The following TNFSF10 variants were observed in gnomAD, a reference collection of about 807,000 sequenced individuals.
TNFSF10 encodes the protein TNF superfamily member 10.
TNFSF10 carries 13 observed loss-of-function variants against 29.5 expected under a neutral mutation model. The ratio of observed to expected loss-of-function variants is 0.44; its 90% CI spans 0.29 to 0.70. The LOEUF is 0.70. Ranked by LOEUF, TNFSF10 falls within the 30% of genes least tolerant of loss-of-function variation. TNFSF10 has a pLI of 0.13. For synonymous variants in TNFSF10, 111 were observed against 112.8 expected (o/e 0.98, Z 0.10); for missense variants, 345 against 330.9 (o/e 1.04, Z -0.33).
chr3:172,509,974 G>A (rs1279054278), intron 3 of TNFSF10, among the ~76,000 whole-genome samples: 17 of 86,690 alleles, frequency 2.0e-4, no homozygotes, highest in East Asian at 7.5e-4. Context: ...GCAAGACTCC[G>A]TCAAAAAAAA....
chr3:172,506,886 A>G lies in TNFSF10; in HGVS notation c.452T>C (p.Ile151Thr). 1.2e-6 allele frequency: 2 copies of G among 1,613,272 alleles called. No homozygotes were observed. Among genetic ancestry groups the G allele is most frequent in the Non-Finnish European group, 1.7e-6 (2 of 1,179,724 alleles). Residue 151 changes from isoleucine (I) to threonine (T), a missense_variant, in exon 5 of 5, where the codon ATA becomes ACA. Ile to Thr is a moderately conservative substitution (Grantham distance 89, BLOSUM62 -1). Coordinates refer to ENST00000241261, the MANE Select transcript of TNFSF10 (RefSeq NM_003810.4). ...ACTCCTTGATGATTCCCAGGAGTTTATTTTGCGGCCCAGAGCCTTTTCATT... is the reference window on the plus strand; with the variant it reads ...ACTCCTTGATGATTCCCAGGAGTTTGTTTTGCGGCCCAGAGCCTTTTCATT... ...SKNEKALGRK[I>T]NSWESSRSGH...
Position 172,505,640 on chromosome 3 carries a change from A to G in TNFSF10, c.*852T>C, listed in dbSNP as rs1363907894. 1 of 152,170 alleles carries G rather than the reference A, an allele frequency of 6.6e-6. No individual in the cohort carries two copies. The highest frequency in any genetic ancestry group is 1.5e-5 in the Non-Finnish European group (1 of 68,042). 9.4% of individuals were successfully genotyped at this position (152,170 alleles called of 1,614,324 possible). A position where few individuals can be genotyped will look rare whatever the true frequency, so the allele number is the denominator to read the frequency against. On this transcript the variant is annotated 3_prime_UTR_variant, in exon 5 of 5. Coordinates refer to ENST00000241261, the MANE Select transcript of TNFSF10 (RefSeq NM_003810.4). ...TATGAAACAAGTGAGTACTAAAACA[A>G]AAACAACAATAAATATGAGCACTAC...
chr3:172,522,871 T>C (rs1325273827), intron 1 of TNFSF10, among the ~76,000 whole-genome samples: 2 of 152,212 alleles, frequency 1.3e-5, no homozygotes, highest in African/African-American at 4.8e-5. Flanking sequence ...TCTTTTTCAA[T>C]TGAATGTGCA....
chr3:172,514,757 A>G (rs1713360797), intron 2 of TNFSF10, 104 bp downstream of exon 2: 2 of 1,428,820 alleles, frequency 1.4e-6, no homozygotes, highest in Non-Finnish European at 1.9e-6. Flanking sequence ...TCTTATTTGT[A>G]AAATGAAGAG....
At chr3:172,508,429 TA>T (rs1215076507) in intron 4 of TNFSF10, among the ~76,000 whole-genome samples, 1 of 152,208 alleles carries the variant, frequency 6.6e-6, no homozygotes, top group African/African-American at 2.4e-5. Context: ...TTTGTGTAAG[TA>T]AAATATGGTC....
At chr3:172,507,223 C>T in intron 4 of TNFSF10, 1 of 319,590 alleles carries the variant, frequency 3.1e-6, no homozygotes, top group South Asian at 6.3e-5. Flanking sequence ...ATGGCCCACT[C>T]AGATAGCAAT....
At chr3:172,514,435 C>T (rs7643953) in intron 2 of TNFSF10, among the ~76,000 whole-genome samples, 119,462 of 152,158 alleles carry the variant, frequency 0.79, 47,498 homozygotes, top group African/African-American at 0.9. Flanking sequence ...CATACAAAAA[C>T]AAATATTTAA....
In TNFSF10 at chr3:172,509,218, T is replaced by G. The variant is rs755034532; in HGVS notation, c.417A>C (p.Pro139=). ...TCACTTATTTGTTGTTTCTCTTACT[T>G]GGAGAAGACAATGTGTTGCTTCTTC... The part of the protein sequence containing the change: ...TRGRSNTLSS[P]NSKNEKALGR... The change falls in exon 4 of 5, where the codon CCA becomes CCC. Residue 139 remains proline (P), a splice_region_variant and synonymous_variant. Coordinates refer to ENST00000241261, the MANE Select transcript of TNFSF10 (RefSeq NM_003810.4). 6.8e-6 allele frequency: 11 copies of G among 1,611,814 alleles called. No homozygotes were observed. Among genetic ancestry groups the G allele is most frequent in the Non-Finnish European group, 9.3e-6 (11 of 1,178,640 alleles).
intron 1 of TNFSF10, among the ~76,000 whole-genome samples, chr3:172,520,289 A>G (rs1197095132): frequency 6.6e-6 from 1 of 152,224 alleles, no homozygotes; most frequent in Admixed American, 6.5e-5. Context: ...TGGACCATCC[A>G]CAGGCAGAGA....
At position 172,514,949 on chromosome 3, in the gene TNFSF10, T is replaced by A; in HGVS notation, c.182A>T (p.Asp61Val). ...KSGIACFLKE[D>V]DSYWDPNDEE... ...GTCATTGGGGTCCCAATAACTGTCATCTTCTTTTAAGAAACAAGCAATGCC... is the reference window on the plus strand; with the variant it reads ...GTCATTGGGGTCCCAATAACTGTCAACTTCTTTTAAGAAACAAGCAATGCC... Residue 61 changes from aspartate to valine, a missense_variant, in exon 2 of 5, where the codon GAT (aspartate) becomes GTT (valine). Physicochemically the swap from Asp to Val is radical, Grantham distance 152 (BLOSUM62 -3). Transcript: ENST00000241261. 6.2e-7 allele frequency: 1 copy of A among 1,614,172 alleles called. No homozygotes were observed. The highest frequency in any genetic ancestry group is 8.5e-7 in the Non-Finnish European group (1 of 1,180,012).
rs1713007146 is a variant in TNFSF10 at position 172,506,843 on chromosome 3, G to T, written c.495C>A (p.Ser165Arg). ...ESSRSGHSFL[S>R]NLHLRNGELV... ...GTTCACCATTCCTCAAGTGCAAGTT[G>T]CTCAGGAATGAATGCCCACTCCTTG... Residue 165 changes from serine to arginine, a missense_variant, in exon 5 of 5, where the codon AGC becomes AGA. Physicochemically the swap from Ser to Arg is moderately radical, Grantham distance 110 (BLOSUM62 -1). Transcript: ENST00000241261. 1 of 1,614,146 alleles carries T rather than the reference G, an allele frequency of 6.2e-7. No individual in the cohort carries two copies. The highest frequency in any genetic ancestry group is 2.2e-5 in the East Asian group (1 of 44,872).
intron 1 of TNFSF10, among the ~76,000 whole-genome samples, chr3:172,519,542 G>T (rs1366456077): frequency 6.6e-6 from 1 of 152,162 alleles, no homozygotes; most frequent in African/African-American, 2.4e-5. Context: ...CCAGTCTCTC[G>T]TGTAGACTTA....
In TNFSF10 at chr3:172,513,356, C is replaced by G. The variant is rs535977041; in HGVS notation, c.270+1505G>C. ...TTTCATTTCTCAGCTTCCTCAGGAC[C>G]TTTCTCCAGCCCAGGCTTTTCCTAG... On this transcript the variant is annotated intron_variant, in intron 2 of 4. Transcript: ENST00000241261. 1.9e-4 allele frequency among the ~76,000 whole-genome samples: 29 copies of G among 152,342 alleles called. No individual in the cohort carries two copies. In the South Asian group the frequency reaches 3.5e-3, roughly 19 times the overall value.
chr3:172,514,588 T>A (rs966253036), intron 2 of TNFSF10, among the ~76,000 whole-genome samples: 3 of 152,196 alleles, frequency 2.0e-5, no homozygotes, highest in Non-Finnish European at 2.9e-5. Flanking sequence ...GTTTCCATAA[T>A]GTGAGATCAA....
intron 1 of TNFSF10, among the ~76,000 whole-genome samples, chr3:172,516,714 G>A (rs1443201763): frequency 6.6e-6 from 1 of 152,188 alleles, no homozygotes; most frequent in African/African-American, 2.4e-5. Context: ...CATGGACTTA[G>A]GTACATTTCC....
rs1433564688 is a variant in TNFSF10 at position 172,514,999 on chromosome 3, C to G, written c.133-1G>C. 1 of 1,614,044 alleles carries G rather than the reference C, an allele frequency of 6.2e-7. No individual in the cohort carries two copies. The highest frequency in any genetic ancestry group is 8.5e-7 in the Non-Finnish European group (1 of 1,180,004). On this transcript the variant is annotated splice_acceptor_variant, in intron 1 of 4. Transcript: ENST00000241261. LOFTEE classifies it high-confidence loss of function. ...CACTTTTGGAGTACTTGTCCTGCAT[C>G]TGGGTTGAGATGGAATATAACACAA...
At chr3:172,511,738 C>A in intron 2 of TNFSF10, 79 bp from the exon 3 acceptor site, 1 of 1,267,736 alleles carries the variant, frequency 7.9e-7, no homozygotes, top group South Asian at 1.3e-5. Context: ...GCTCATCTTG[C>A]TGATGTCTAA....
At chr3:172,514,671 C>A (rs1713358135) in intron 2 of TNFSF10, among the ~76,000 whole-genome samples, 190 bp downstream of exon 2, 1 of 152,186 alleles carries the variant, frequency 6.6e-6, no homozygotes, top group Non-Finnish European at 1.5e-5. Flanking sequence ...CCAGGTCCTG[C>A]CCTTTGCTGC....
intron 4 of TNFSF10, 168 bp downstream of exon 4, chr3:172,509,049 T>A (rs1713113741): frequency 2.2e-6 from 1 of 449,568 alleles, no homozygotes; most frequent in Non-Finnish European, 3.8e-6. Context: ...ATTGAGCTGT[T>A]TGTCTGTAAT....
Sources: allele counts gnomAD v4.1 joint callset (sites outside exome capture counted in the v4.1 genomes callset), GRCh38; gene constraint gnomAD v4.1.1; transcripts MANE v1.5; gene names NCBI Gene and HGNC (gene_info 2026-07-23, HGNC 2026-07-21).